The following REEP5 variants were observed in gnomAD, a reference collection of about 807,000 sequenced individuals.
REEP5 encodes receptor accessory protein 5, also known as receptor expression-enhancing protein 5.
REEP5 carries 24 observed loss-of-function variants against 22.4 expected under a neutral mutation model. The observed-to-expected ratio is 1.07, with a 90% CI of 0.78 to 1.51. The LOEUF (loss-of-function observed/expected upper bound fraction) is 1.51, where lower values mean the gene tolerates loss of function less well. Among genes scored for constraint, REEP5 ranks in the 40% most tolerant of loss-of-function variants. The probability of loss-of-function intolerance (pLI) is 0.00; values close to 1 mark genes in which losing one functional copy is unlikely to be tolerated. For missense variants in REEP5, 252 were observed against 233.0 expected, an observed-to-expected ratio of 1.08 and a Z score of -0.53; for synonymous variants, 103 against 88.6, an observed-to-expected ratio of 1.16 and a Z score of -0.92.
intron 4 of REEP5, among the ~76,000 whole-genome samples, chr5:112,880,891 G>A (rs530755972): frequency 2.0e-5 from 3 of 152,296 alleles, no homozygotes; most frequent in Admixed American, 6.5e-5. Context: ...CATTTTGAGA[G>A]GCCGAGGTGG....
At chr5:112,882,130 T>C (rs1367193943) in intron 4 of REEP5, 1 of 153,714 alleles carries the variant, frequency 6.5e-6, no homozygotes, top group East Asian at 1.9e-4. Flanking sequence ...TGTGATGATC[T>C]TCTAATATCC....
At chr5:112,907,910 G>C (rs2150045925) in intron 2 of REEP5, among the ~76,000 whole-genome samples, 1 of 152,138 alleles carries the variant, frequency 6.6e-6, no homozygotes, top group Admixed American at 6.6e-5. Context: ...GTTTTTATAT[G>C]TTTACAGACC....
chr5:112,891,272 C>T (rs1768436819), intron 3 of REEP5, among the ~76,000 whole-genome samples: 1 of 151,946 alleles, frequency 6.6e-6, no homozygotes, highest in African/African-American at 2.4e-5. Flanking sequence ...GAGTTTTTGC[C>T]ATGTTGGCCA....
At chr5:112,891,581 A>C (rs1055297003) in intron 3 of REEP5, 23 of 1,553,396 alleles carry the variant, frequency 1.5e-5, no homozygotes, top group Admixed American at 9.8e-5. Context: ...CTATGAACAA[A>C]ATCTTCCATA....
chr5:112,911,860 G>A (rs1580753247), intron 2 of REEP5, among the ~76,000 whole-genome samples: 1 of 152,190 alleles, frequency 6.6e-6, no homozygotes, highest in African/African-American at 2.4e-5. Flanking sequence ...GAATAATGAT[G>A]TCTTAAGCTG....
intron 2 of REEP5, among the ~76,000 whole-genome samples, chr5:112,910,128 C>T (rs1048260713): frequency 4.6e-5 from 7 of 152,170 alleles, no homozygotes; most frequent in Non-Finnish European, 8.8e-5. Context: ...CATGGTGATA[C>T]CCCGTCTCTA....
At chr5:112,883,665 A>G (rs946253119) in intron 4 of REEP5, among the ~76,000 whole-genome samples, 5 of 152,032 alleles carry the variant, frequency 3.3e-5, no homozygotes, top group African/African-American at 1.2e-4. Flanking sequence ...TCCAGTCCAG[A>G]CCTGTTTCTT....
rs755148026 is a variant in REEP5 at position 112,892,916 on chromosome 5, C to G, written c.352-5733G>C. On this transcript the variant is annotated intron_variant, in intron 3 of 4. Transcript: ENST00000379638. ...AAGAGTCGGGAGAGGCACAATTCAC[C>G]AAGCAGAGGAAGAAATAGGCACCGC... 3 of 1,607,080 alleles carry G rather than the reference C, an allele frequency of 1.9e-6. No individual in the cohort carries two copies. The Admixed American group carries it at 5.1e-5, about 27-fold the overall frequency.
chr5:112,908,558 T>C (rs1001197371), intron 2 of REEP5, among the ~76,000 whole-genome samples: 1 of 151,938 alleles, frequency 6.6e-6, no homozygotes, highest in South Asian at 2.1e-4. Flanking sequence ...CAGAGTCACA[T>C]TCTGTTGCCC....
chr5:112,921,055 C>A, intron 2 of REEP5, 108 bp downstream of exon 2: 1 of 1,093,330 alleles, frequency 9.1e-7, no homozygotes, highest in Non-Finnish European at 1.3e-6. Flanking sequence ...CCCTCCCCGC[C>A]GAGCTTTCAC....
chr5:112,878,674 A>G lies in REEP5; in HGVS notation c.*112T>C. On this transcript the variant is annotated 3_prime_UTR_variant, in exon 5 of 5. Transcript: ENST00000379638. ...AACACATTCCAATCTTTAATATCTCAAAAATGTTTCCAAGGCAACATTATT... is the reference window on the plus strand; with the variant it reads ...AACACATTCCAATCTTTAATATCTCGAAAATGTTTCCAAGGCAACATTATT... 6.8e-7 allele frequency: 1 copy of G among 1,465,852 alleles called. No individual in the cohort carries two copies. The highest frequency in any genetic ancestry group is 9.3e-7 in the Non-Finnish European group (1 of 1,078,254). 90.8% of individuals were successfully genotyped at this position (1,465,852 alleles called of 1,614,324 possible).
At chr5:112,901,886 C>T (rs906698185) in intron 3 of REEP5, among the ~76,000 whole-genome samples, 7 of 148,444 alleles carry the variant, frequency 4.7e-5, no homozygotes, top group Non-Finnish European at 7.4e-5. Context: ...TTGCTTGAAC[C>T]TGGGGGGTGG....
intron 4 of REEP5, among the ~76,000 whole-genome samples, chr5:112,884,387 ATTT>A (rs1328520628): frequency 7.7e-6 from 1 of 129,976 alleles, no homozygotes; most frequent in Admixed American, 7.7e-5. Context: ...ACCATTTTCT[ATTT>A]TTTTTTTTTT....
intron 3 of REEP5, among the ~76,000 whole-genome samples, chr5:112,890,118 C>T (rs1343119386): frequency 6.7e-6 from 1 of 150,214 alleles, no homozygotes; most frequent in Admixed American, 6.6e-5. Context: ...TGAGCCACCG[C>T]ACCCGGCCAC....
intron 3 of REEP5, among the ~76,000 whole-genome samples, chr5:112,901,329 T>C (rs1190817095): frequency 1.3e-5 from 2 of 152,066 alleles, no homozygotes; most frequent in African/African-American, 2.4e-5. Flanking sequence ...GTGTGAACAA[T>C]ATAATAGTTG....
At chr5:112,921,773 G>A in intron 1 of REEP5, 1 of 290,834 alleles carries the variant, frequency 3.4e-6, no homozygotes, top group Non-Finnish European at 6.4e-6. Flanking sequence ...CACCGCGCAG[G>A]ACAGCAGGAA....
chr5:112,884,784 C>T (rs1258838697), intron 4 of REEP5, among the ~76,000 whole-genome samples: 1 of 151,634 alleles, frequency 6.6e-6, no homozygotes, highest in Admixed American at 6.6e-5. Flanking sequence ...CCTTGGCCCC[C>T]CCCCATCTTT....
chr5:112,892,176 C>T lies in REEP5; in HGVS notation c.352-4993G>A, dbSNP rs1486839800. On this transcript the variant is annotated intron_variant, in intron 3 of 4. Transcript: ENST00000379638. Reference sequence around the variant, plus strand: ...AGAAGGATCGAGCTAATTGTCCCTTCTACAGTAAAACAGGAGCTTGCAGAT... The same window carrying T: ...AGAAGGATCGAGCTAATTGTCCCTTTTACAGTAAAACAGGAGCTTGCAGAT... The T allele has an allele frequency of 5.0e-6, 8 of 1,614,164 alleles. No individual in the cohort carries two copies. The African/African-American group carries it at 1.1e-4, about 22-fold the overall frequency.
At chr5:112,901,546 CA>C (rs921783935) in intron 3 of REEP5, among the ~76,000 whole-genome samples, 11 of 151,222 alleles carry the variant, frequency 7.3e-5, no homozygotes, top group Admixed American at 4.0e-4. Flanking sequence ...CTTTCTCTAC[CA>C]AAAAAAATAC....
Sources: allele counts gnomAD v4.1 joint callset (sites outside exome capture counted in the v4.1 genomes callset), GRCh38; gene constraint gnomAD v4.1.1; transcripts MANE v1.5; gene names NCBI Gene and HGNC (gene_info 2026-07-23, HGNC 2026-07-21).